The following VPS13B variants were observed in gnomAD, a reference collection of about 807,000 sequenced individuals.
VPS13B encodes the protein vacuolar protein sorting 13 homolog B.
In VPS13B, 285 loss-of-function variants were observed where a neutral mutation model predicts 426.4. The ratio of observed to expected loss-of-function variants is 0.67; its 90% CI spans 0.61 to 0.74. The LOEUF (loss-of-function observed/expected upper bound fraction) is 0.74. Among genes scored for constraint, VPS13B ranks in the 30% least tolerant of loss-of-function variants. The probability of loss-of-function intolerance (pLI) is 0.00; values close to 1 mark genes in which losing one functional copy is unlikely to be tolerated. For synonymous variants in VPS13B, 1,676 were observed against 1,676.4 expected, an observed-to-expected ratio of 1.00 and a Z score of 0.01; for missense variants, 4,537 against 4,782.6, an observed-to-expected ratio of 0.95 and a Z score of 1.51.
intron 17 of VPS13B, chr8:99,241,315 C>A (rs1007184933): frequency 6.6e-6 from 1 of 152,004 alleles, no homozygotes; most frequent in African/African-American, 2.4e-5. Context: ...TAACTATTAT[C>A]CTGTGTATAA....
intron 50 of VPS13B, among the ~76,000 whole-genome samples, chr8:99,822,146 T>G (rs2130824019): frequency 6.6e-6 from 1 of 152,302 alleles, no homozygotes; most frequent in East Asian, 1.9e-4. Context: ...ATGCAGAAGT[T>G]TTTTGCTGTA....
Position 99,044,853 on chromosome 8 carries a change from T to TACACACAC in VPS13B, c.291+6326_291+6333dup, listed in dbSNP as rs60056711. Among the ~76,000 whole-genome samples the TACACACAC allele has an allele frequency of 6.5e-3, 911 of 139,848 alleles. 5 individuals are homozygous for TACACACAC. The highest frequency in any genetic ancestry group is 0.02 in the East Asian group (90 of 4,582). 91.7% of individuals were successfully genotyped at this position (139,848 alleles called of 152,430 possible). A position where few individuals can be genotyped will look rare whatever the true frequency, so the allele number is the denominator to read the frequency against. On this transcript the variant is annotated intron_variant, in intron 3 of 61. Transcript: ENST00000357162. ...TATTGCTGAGTAGTATTCCATTTTA[T>TACACACAC]ACACACACACACACACACACACACA...
At chr8:99,016,529 A>G (rs867547006) in intron 2 of VPS13B, among the ~76,000 whole-genome samples, 7 of 136,450 alleles carry the variant, frequency 5.1e-5, no homozygotes, top group African/African-American at 2.0e-4. Context: ...TGTGAAGTCT[A>G]AGTCTTTTTT....
At chr8:99,653,186 T>C (rs1157387719) in intron 34 of VPS13B, among the ~76,000 whole-genome samples, 1 of 152,166 alleles carries the variant, frequency 6.6e-6, no homozygotes, top group African/African-American at 2.4e-5. Flanking sequence ...ATTTATGAAA[T>C]TAAGTGGAAA....
chr8:99,654,037 T>G (rs112688242), intron 34 of VPS13B, among the ~76,000 whole-genome samples: 6,530 of 150,276 alleles, frequency 0.043, 197 homozygotes, highest in African/African-American at 0.089. Context: ...TGATGATTAT[T>G]ATTATTATTA....
intron 33 of VPS13B, among the ~76,000 whole-genome samples, chr8:99,634,359 C>T (rs1828986782): frequency 1.3e-5 from 2 of 151,968 alleles, no homozygotes; most frequent in Admixed American, 1.3e-4. Flanking sequence ...TGCAGTAAAA[C>T]ACAACCTTGA....
chr8:99,679,505 AC>A (rs1340282099), intron 35 of VPS13B, among the ~76,000 whole-genome samples: 17 of 152,204 alleles, frequency 1.1e-4, no homozygotes, highest in African/African-American at 3.6e-4. Flanking sequence ...TCATAAAAAT[AC>A]GTTTCTGAGT....
intron 43 of VPS13B, among the ~76,000 whole-genome samples, chr8:99,787,820 A>G (rs1015560725): frequency 6.6e-6 from 1 of 152,102 alleles, no homozygotes; most frequent in Non-Finnish European, 1.5e-5. Context: ...ACTGCTTGGA[A>G]TAGTATTGCC....
At chr8:99,319,079 T>G (rs1381677212) in intron 19 of VPS13B, among the ~76,000 whole-genome samples, 1 of 152,150 alleles carries the variant, frequency 6.6e-6, no homozygotes, top group Non-Finnish European at 1.5e-5. Context: ...ATAATCTTAT[T>G]AAGGGAGAAA....
At chr8:99,263,623 T>C (rs1418588713) in intron 17 of VPS13B, among the ~76,000 whole-genome samples, 1 of 152,156 alleles carries the variant, frequency 6.6e-6, no homozygotes, top group Non-Finnish European at 1.5e-5. Context: ...TTTCCGTGAG[T>C]GTGCATCTGT....
At chr8:99,217,027 T>C (rs1349374571) in intron 17 of VPS13B, among the ~76,000 whole-genome samples, 1 of 152,178 alleles carries the variant, frequency 6.6e-6, no homozygotes, top group African/African-American at 2.4e-5. Context: ...ATTGTACTGG[T>C]ACTAGTTTGG....
rs117619137 is a variant in VPS13B at position 99,869,804 on chromosome 8, G to A, written c.11393-981G>A. On this transcript the variant is annotated intron_variant, in intron 59 of 61. Coordinates refer to ENST00000357162, the MANE Select transcript of VPS13B (RefSeq NM_152564.5). Reference sequence around the variant, plus strand: ...TCACTCTTGTAAAACTTTTATTACCGAACTGAAGGTTTTAAAACCACTAAC... The same window carrying A: ...TCACTCTTGTAAAACTTTTATTACCAAACTGAAGGTTTTAAAACCACTAAC... Among the ~76,000 whole-genome samples the A allele has an allele frequency of 7.3e-3, 1,105 of 152,236 alleles. 8 individuals carry two copies. Among genetic ancestry groups the A allele is most frequent in the Non-Finnish European group, 1.0e-2 (677 of 68,022 alleles).
chr8:99,226,318 T>C (rs1816014732), intron 17 of VPS13B, among the ~76,000 whole-genome samples: 1 of 152,208 alleles, frequency 6.6e-6, no homozygotes, highest in Non-Finnish European at 1.5e-5. Context: ...AAGACATAGC[T>C]GAAGCTTCAA....
intron 61 of VPS13B, among the ~76,000 whole-genome samples, chr8:99,873,924 A>G (rs1817563980): frequency 6.6e-6 from 1 of 152,122 alleles, no homozygotes; most frequent in South Asian, 2.1e-4. Flanking sequence ...TAAGATCTAT[A>G]AATGACTTTT....
At chr8:99,427,279 G>C (rs1816771740) in intron 21 of VPS13B, among the ~76,000 whole-genome samples, 1 of 109,466 alleles carries the variant, frequency 9.1e-6, no homozygotes, top group East Asian at 2.6e-4. Context: ...CTATATCTCT[G>C]TTTTGGTACC....
At chr8:99,239,009 A>G (rs1056660140) in intron 17 of VPS13B, among the ~76,000 whole-genome samples, 1 of 152,196 alleles carries the variant, frequency 6.6e-6, no homozygotes, top group East Asian at 1.9e-4. Context: ...TCTGAGTAAG[A>G]ATCACTTGGG....
intron 17 of VPS13B, among the ~76,000 whole-genome samples, chr8:99,244,455 T>G (rs1384992527): frequency 6.6e-6 from 1 of 152,230 alleles, no homozygotes; most frequent in Non-Finnish European, 1.5e-5. Context: ...TTCTTGCAGC[T>G]TTACTAAGTA....
At chr8:99,528,136 T>C (rs1285141164) in intron 30 of VPS13B, among the ~76,000 whole-genome samples, 3 of 152,110 alleles carry the variant, frequency 2.0e-5, no homozygotes, top group African/African-American at 7.2e-5. Context: ...ACTGGATTTA[T>C]ATTATACTTC....
intron 12 of VPS13B, among the ~76,000 whole-genome samples, chr8:99,139,564 A>G (rs1031488225): frequency 1.3e-5 from 2 of 149,544 alleles, no homozygotes; most frequent in African/African-American, 2.5e-5. Flanking sequence ...CAGCCTCCCC[A>G]GTAGCTGGGA....
Sources: allele counts gnomAD v4.1 joint callset (sites outside exome capture counted in the v4.1 genomes callset), GRCh38; gene constraint gnomAD v4.1.1; transcripts MANE v1.5; gene names NCBI Gene and HGNC (gene_info 2026-07-23, HGNC 2026-07-21).